FAF2: variants seen among roughly 807,000 people sequenced by gnomAD.
FAF2 encodes the protein FAS-associated factor 2.
Under a neutral mutation model 62.3 loss-of-function variants are expected in FAF2, and 9 were observed. The ratio of observed to expected loss-of-function variants is 0.14; its 90% confidence interval spans 0.09 to 0.25. The LOEUF (loss-of-function observed/expected upper bound fraction) is 0.25, where lower values mean the gene tolerates loss of function less well. Among genes scored for constraint, FAF2 ranks in the 10% least tolerant of loss-of-function variants. The pLI, the probability that FAF2 is intolerant of heterozygous loss-of-function variation, is 1.00. For synonymous variants in FAF2, 202 were observed against 198.0 expected (o/e 1.02, Z -0.17); for missense variants, 368 against 556.2 (o/e 0.66, Z 3.40).
In FAF2 at chr5:176,494,320, T is replaced by C. The variant is rs760418756; in HGVS notation, c.661+45T>C. 4.0e-6 allele frequency: 6 copies of C among 1,505,402 alleles called. No individual in the cohort carries two copies. Among genetic ancestry groups the C allele is most frequent in the Non-Finnish European group, 5.5e-6 (6 of 1,082,380 alleles). 93.3% of individuals were successfully genotyped at this position (1,505,402 alleles called of 1,614,324 possible). On this transcript the variant is annotated intron_variant, in intron 7 of 10. Transcript: ENST00000261942. The surrounding 1 kb of genome is among the most constrained non-coding windows in gnomAD (Gnocchi z 4.0). ...CCTCATTGAGATTGTTGGAGTATCT[T>C]TGGAATAGTCTGGAAAGACATGCCA...
At chr5:176,452,866 A>G (rs547780995) in intron 1 of FAF2, among the ~76,000 whole-genome samples, 80 of 152,346 alleles carry the variant, frequency 5.3e-4, no homozygotes, top group Admixed American at 7.2e-4. Flanking sequence ...CATTAGCAGT[A>G]TGGAGTATGT....
At chr5:176,450,451 A>G (rs1450028106) in intron 1 of FAF2, among the ~76,000 whole-genome samples, 1 of 152,172 alleles carries the variant, frequency 6.6e-6, no homozygotes, top group Non-Finnish European at 1.5e-5. Context: ...TGAGTTATAA[A>G]TTATGGTATA....
At chr5:176,464,745 G>GC (rs1758435244) in intron 1 of FAF2, among the ~76,000 whole-genome samples, 1 of 140,360 alleles carries the variant, frequency 7.1e-6, no homozygotes, top group Admixed American at 7.2e-5. Context: ...AGGGATATTA[G>GC]TTTTTTTTTT....
intron 10 of FAF2, among the ~76,000 whole-genome samples, chr5:176,505,854 C>T (rs1481434466): frequency 6.6e-6 from 1 of 152,074 alleles, no homozygotes; most frequent in Non-Finnish European, 1.5e-5. Flanking sequence ...TCTTTATCCA[C>T]ACGTTGATTG....
In FAF2 at chr5:176,500,362, A is replaced by G. The variant is rs542163739; in HGVS notation, c.1155+216A>G. 6.6e-5 allele frequency among the ~76,000 whole-genome samples: 10 copies of G among 152,252 alleles called. No individual in the cohort carries two copies. In the South Asian group the frequency reaches 2.1e-3, roughly 32 times the overall value. The stretch of plus-strand genomic sequence containing the variant: ...CAGTTCTAGTTTCCAACTCAAAGCA[A>G]TTTTTAAGTTTTTGTTTAATTATGT... On this transcript the variant is annotated intron_variant, in intron 10 of 10. Coordinates refer to ENST00000261942, the MANE Select transcript of FAF2 (RefSeq NM_014613.3).
chr5:176,462,201 A>G lies in FAF2; in HGVS notation c.63+13731A>G, dbSNP rs186778658. ...TGAGGCGGGAGAATTGCTTGAACCCAAGAGACAGAGGTTGCAATGAGCCGA... is the reference window on the plus strand; with the variant it reads ...TGAGGCGGGAGAATTGCTTGAACCCGAGAGACAGAGGTTGCAATGAGCCGA... On this transcript the variant is annotated intron_variant, in intron 1 of 10. Transcript: ENST00000261942. 4.5e-3 allele frequency among the ~76,000 whole-genome samples: 684 copies of G among 151,804 alleles called. 6 individuals are homozygous for G. Among genetic ancestry groups the G allele is most frequent in the African/African-American group, 0.016 (660 of 41,380 alleles).
intron 1 of FAF2, among the ~76,000 whole-genome samples, chr5:176,461,072 G>A (rs568067140): frequency 2.0e-5 from 3 of 149,802 alleles, no homozygotes; most frequent in South Asian, 2.1e-4. Context: ...GAGTGCAGTA[G>A]TGCCATCTTG....
chr5:176,509,078 T>C lies in FAF2; in HGVS notation c.*2128T>C, dbSNP rs1755734246. On this transcript the variant is annotated 3_prime_UTR_variant, in exon 11 of 11. Coordinates refer to ENST00000261942, the MANE Select transcript of FAF2 (RefSeq NM_014613.3). Reference sequence around the variant, plus strand: ...TCAGCTGCCAGAATATTAAGAAGGGTCTCCCTTTATGTCAGTACAACTGTT... The same window carrying C: ...TCAGCTGCCAGAATATTAAGAAGGGCCTCCCTTTATGTCAGTACAACTGTT... 6.6e-6 allele frequency: 1 copy of C among 152,110 alleles called. No homozygotes were observed. The highest frequency in any genetic ancestry group is 1.5e-5 in the Non-Finnish European group (1 of 68,030). The allele number at this position is 152,110 out of a possible 1,614,324, so 9.4% of individuals were successfully genotyped here. A position where few individuals can be genotyped will look rare whatever the true frequency, so the allele number is the denominator to read the frequency against.
chr5:176,452,180 C>T (rs1758199911), intron 1 of FAF2, among the ~76,000 whole-genome samples: 1 of 151,696 alleles, frequency 6.6e-6, no homozygotes, highest in Non-Finnish European at 1.5e-5. Flanking sequence ...GCCTCAGCCT[C>T]CTGAGTAGCT....
At chr5:176,458,910 T>G (rs1183565743) in intron 1 of FAF2, among the ~76,000 whole-genome samples, 1 of 152,146 alleles carries the variant, frequency 6.6e-6, no homozygotes, top group Non-Finnish European at 1.5e-5. Flanking sequence ...AATTTCTCCT[T>G]CCACTAGTTT....
chr5:176,490,985 A>G (rs1296039540), intron 4 of FAF2, among the ~76,000 whole-genome samples: 1 of 152,168 alleles, frequency 6.6e-6, no homozygotes, highest in Non-Finnish European at 1.5e-5. Flanking sequence ...TTCGCTCTGG[A>G]ACGTTGTTGT....
chr5:176,478,592 C>T (rs938386310), intron 1 of FAF2, among the ~76,000 whole-genome samples: 4 of 152,122 alleles, frequency 2.6e-5, no homozygotes, highest in African/African-American at 7.2e-5. Context: ...AAAGGCATGA[C>T]GTTTTACAGG....
intron 8 of FAF2, 45 bp from the exon 9 acceptor site, chr5:176,498,869 T>C (rs765373616): frequency 4.9e-5 from 73 of 1,481,244 alleles, no homozygotes; most frequent in Non-Finnish European, 6.4e-5. Context: ...CACAGAACTT[T>C]GTGAGAGTGC....
At chr5:176,506,210 A>C (rs60732197) in intron 10 of FAF2, among the ~76,000 whole-genome samples, 2,896 of 127,596 alleles carry the variant, frequency 0.023, 100 homozygotes, top group African/African-American at 0.076. Flanking sequence ...AAAAAAACAA[A>C]AAAAAAAAAC....
At chr5:176,501,119 T>TAA (rs990160029) in intron 10 of FAF2, among the ~76,000 whole-genome samples, 1 of 143,666 alleles carries the variant, frequency 7.0e-6, no homozygotes, top group Non-Finnish European at 1.5e-5. Context: ...AGAGACCCTG[T>TAA]AAAAAAAAAA....
intron 7 of FAF2, 93 bp from the exon 8 acceptor site, chr5:176,496,393 A>T: frequency 2.0e-6 from 2 of 1,016,354 alleles, no homozygotes; most frequent in Non-Finnish European, 2.7e-6. Context: ...AACCAGGATT[A>T]AAACAGTTCT....
At chr5:176,468,441 G>A (rs1215246576) in intron 1 of FAF2, among the ~76,000 whole-genome samples, 3 of 151,870 alleles carry the variant, frequency 2.0e-5, no homozygotes, top group Non-Finnish European at 4.4e-5. Flanking sequence ...AAAATTAGGC[G>A]GGCGTGGTCG....
chr5:176,488,925 C>T (rs752195566), intron 3 of FAF2, 26 bp from the exon 4 acceptor site: 2 of 1,587,642 alleles, frequency 1.3e-6, no homozygotes, highest in Non-Finnish European at 1.7e-6. Flanking sequence ...AGAGAATTGT[C>T]TCTAACTTTG....
intron 10 of FAF2, among the ~76,000 whole-genome samples, chr5:176,505,206 G>A (rs1186859695): frequency 6.6e-6 from 1 of 152,176 alleles, no homozygotes. Flanking sequence ...CTTTGGGGTT[G>A]ATCTGAATGA....
Sources: gnomAD v4.1 joint callset for allele counts (sites outside exome capture counted in the v4.1 genomes callset) on GRCh38, gnomAD v4.1.1 for gene constraint, Gnocchi (gnomAD v3.1) non-coding constraint, MANE v1.5 for transcripts, NCBI Gene and HGNC (gene_info 2026-07-23, HGNC 2026-07-21) for gene names.